CPNE8: variants seen among roughly 807,000 people sequenced by gnomAD.
The protein encoded by CPNE8 is copine-8.
Under a neutral mutation model 81.5 loss-of-function variants are expected in CPNE8, and 45 were observed. The observed-to-expected ratio is 0.55, with a 90% CI of 0.44 to 0.71. The LOEUF (loss-of-function observed/expected upper bound fraction) is 0.71, where lower values mean the gene tolerates loss of function less well. Ranked by LOEUF, CPNE8 falls within the 30% of genes least tolerant of loss-of-function variation. The probability of loss-of-function intolerance (pLI) is 0.00; values close to 1 mark genes in which losing one functional copy is unlikely to be tolerated. For synonymous variants in CPNE8, 252 were observed against 226.3 expected, an observed-to-expected ratio of 1.11 and a Z score of -1.02; for missense variants, 594 against 672.1, an observed-to-expected ratio of 0.88 and a Z score of 1.28.
rs1306870282 is a variant in CPNE8 at position 38,833,146 on chromosome 12, C to T, written c.331-3691G>A. The stretch of plus-strand genomic sequence containing the variant: ...GGCGGGCGGATCACTTGAGGTCAGG[C>T]GATCAAGACCAGTCGGGCCAACATG... On this transcript the variant is annotated intron_variant, in intron 5 of 19. Transcript: ENST00000331366. Among the ~76,000 whole-genome samples, 7 of 151,452 alleles carry T rather than the reference C, an allele frequency of 4.6e-5. No individual in the cohort carries two copies. The East Asian group carries it at 9.9e-4, about 21-fold the overall frequency.
chr12:38,783,603 C>T (rs10876078), intron 6 of CPNE8, among the ~76,000 whole-genome samples: 106,348 of 152,048 alleles, frequency 0.7, 40,146 homozygotes, highest in Non-Finnish European at 0.85. Context: ...GTCACACAGT[C>T]CTAGTGATGA....
At chr12:38,711,715 C>G (rs1486020182) in intron 13 of CPNE8, among the ~76,000 whole-genome samples, 1 of 152,022 alleles carries the variant, frequency 6.6e-6, no homozygotes, top group African/African-American at 2.4e-5. Context: ...GTGATCCACC[C>G]GCCTCGGCCT....
intron 1 of CPNE8, among the ~76,000 whole-genome samples, chr12:38,887,126 A>G (rs1944248121): frequency 6.6e-6 from 1 of 152,198 alleles, no homozygotes; most frequent in South Asian, 2.1e-4. Flanking sequence ...GTCTCATGCC[A>G]GGCCTTGTAG....
At chr12:38,799,287 T>C (rs1033451866) in intron 6 of CPNE8, among the ~76,000 whole-genome samples, 2 of 152,148 alleles carry the variant, frequency 1.3e-5, no homozygotes, top group Admixed American at 6.5e-5. Flanking sequence ...ATTGACCACA[T>C]ACTTGGAAGT....
chr12:38,836,063 C>T (rs1189053873), intron 5 of CPNE8, among the ~76,000 whole-genome samples: 1 of 152,030 alleles, frequency 6.6e-6, no homozygotes, highest in African/African-American at 2.4e-5. Context: ...TTGGCTTATG[C>T]AATTTAATTA....
intron 10 of CPNE8, among the ~76,000 whole-genome samples, chr12:38,751,331 T>TA (rs896620193): frequency 6.6e-6 from 1 of 152,182 alleles, no homozygotes; most frequent in Non-Finnish European, 1.5e-5. Context: ...TCGCCTTTTT[T>TA]AAAAAAATTG....
intron 1 of CPNE8, among the ~76,000 whole-genome samples, chr12:38,880,569 G>A (rs1014025399): frequency 1.3e-5 from 2 of 151,998 alleles, no homozygotes; most frequent in African/African-American, 4.8e-5. Flanking sequence ...CCATGCCCAC[G>A]GCCTTTATTT....
intron 6 of CPNE8, among the ~76,000 whole-genome samples, chr12:38,805,651 T>A (rs1327586043): frequency 4.5e-5 from 3 of 66,654 alleles, no homozygotes; most frequent in Non-Finnish European, 5.9e-5. Flanking sequence ...ACCTAAAACT[T>A]AGAGTATAAT....
intron 3 of CPNE8, among the ~76,000 whole-genome samples, chr12:38,869,751 A>G (rs546312428): frequency 6.6e-6 from 1 of 152,128 alleles, no homozygotes; most frequent in South Asian, 2.1e-4. Context: ...TTCAGCTCCC[A>G]CCTACTCTAT....
upstream of CPNE8, chr12:38,906,589 C>A: frequency 8.1e-6 from 8 of 985,498 alleles, no homozygotes; most frequent in Non-Finnish European, 9.6e-6. Context: ...TGAGACCTGA[C>A]GGATAAAAGC....
intron 10 of CPNE8, among the ~76,000 whole-genome samples, chr12:38,730,939 T>A (rs141454946): frequency 4.7e-4 from 71 of 151,976 alleles, no homozygotes; most frequent in African/African-American, 1.2e-3. Context: ...CATCACTACC[T>A]TCTCAGGTGT....
chr12:38,895,988 C>T (rs73274767), intron 1 of CPNE8, among the ~76,000 whole-genome samples: 2,171 of 152,150 alleles, frequency 0.014, 53 homozygotes, highest in African/African-American at 0.048. Flanking sequence ...CAGGACATAA[C>T]ATCACCTCTT....
At chr12:38,814,157 G>A (rs534625780) in intron 6 of CPNE8, among the ~76,000 whole-genome samples, 26 of 152,152 alleles carry the variant, frequency 1.7e-4, no homozygotes, top group Admixed American at 5.9e-4. Context: ...AAGGTCTCTA[G>A]AGAAGCCTCT....
chr12:38,762,269 C>T, intron 8 of CPNE8, 53 bp from the exon 9 acceptor site: 1 of 1,073,226 alleles, frequency 9.3e-7, no homozygotes, highest in Non-Finnish European at 1.4e-6. Context: ...TTTAATTGAT[C>T]TATTGTTTTA....
chr12:38,676,652 A>G (rs1939296062), intron 17 of CPNE8, among the ~76,000 whole-genome samples: 1 of 152,210 alleles, frequency 6.6e-6, no homozygotes, highest in South Asian at 2.1e-4. Context: ...TCATGTTATA[A>G]CATGTTTTTT....
At chr12:38,818,951 A>G (rs1219131965) in intron 6 of CPNE8, among the ~76,000 whole-genome samples, 2 of 152,148 alleles carry the variant, frequency 1.3e-5, no homozygotes, top group Admixed American at 6.5e-5. Flanking sequence ...GTGTCTGTTC[A>G]CATACTTTGC....
intron 6 of CPNE8, among the ~76,000 whole-genome samples, chr12:38,820,086 C>A (rs1189366460): frequency 3.3e-5 from 5 of 152,014 alleles, no homozygotes; most frequent in Non-Finnish European, 7.4e-5. Flanking sequence ...CTAAACACTT[C>A]CTATACAAAA....
rs367944664 is a variant in CPNE8 at position 38,725,630 on chromosome 12, A to G, written c.799-731T>C. ...AAAAAGATGAAATCGTTTATGAATA[A>G]GTATTATTTGAACCACAATTTATTA... On this transcript the variant is annotated intron_variant, in intron 11 of 19. Transcript: ENST00000331366. 5.9e-5 allele frequency among the ~76,000 whole-genome samples: 9 copies of G among 152,252 alleles called. No homozygotes were observed. In the South Asian group the frequency reaches 1.9e-3, roughly 32 times the overall value.
chr12:38,760,965 G>A (rs1441000667), intron 9 of CPNE8, 77 bp from the exon 10 acceptor site: 2 of 1,161,878 alleles, frequency 1.7e-6, no homozygotes. Flanking sequence ...TTAAAAATAA[G>A]TTGTTTTTCT....
Sources: gnomAD v4.1 joint callset for allele counts (sites outside exome capture counted in the v4.1 genomes callset) on GRCh38, gnomAD v4.1.1 for gene constraint, MANE v1.5 for transcripts, NCBI Gene and HGNC (gene_info 2026-07-23, HGNC 2026-07-21) for gene names.